Variants in SIPA1L1 observed in about 807,000 individuals in gnomAD.
The protein encoded by SIPA1L1 is signal-induced proliferation-associated 1-like protein 1.
In SIPA1L1, 26 loss-of-function variants were observed where a neutral mutation model predicts 162.7. The ratio of observed to expected loss-of-function variants is 0.16; its 90% CI spans 0.12 to 0.22. The LOEUF is 0.22. SIPA1L1 is among the 10% of genes least tolerant of loss of function. SIPA1L1 has a pLI of 1.00. For missense variants in SIPA1L1, 1,874 were observed against 2,241.0 expected (o/e 0.84, Z 3.31); for synonymous variants, 829 against 837.4 (o/e 0.99, Z 0.17).
At chr14:71,723,939 A>G in intron 18 of SIPA1L1, 53 bp downstream of exon 18, 1 of 1,605,328 alleles carries the variant, frequency 6.2e-7, no homozygotes. Flanking sequence ...CAGGACAGAG[A>G]ATAGAAAAGC....
chr14:71,339,556 G>T (rs2035438059), intron 2 of SIPA1L1, among the ~76,000 whole-genome samples: 1 of 151,870 alleles, frequency 6.6e-6, no homozygotes, highest in East Asian at 1.9e-4. Context: ...TAGAGACAGG[G>T]TTTCACCATG....
In SIPA1L1 at chr14:71,605,253, A is replaced by G. The variant is rs189478991; in HGVS notation, c.1499-13504A>G. Among the ~76,000 whole-genome samples, 13 of 151,524 alleles carry G rather than the reference A, an allele frequency of 8.6e-5. No homozygotes were observed. In the East Asian group the frequency reaches 2.5e-3, roughly 30 times the overall value. Reference sequence around the variant, plus strand: ...CTGTTTGTTTCTTTTTATAATTTCTATCTCTTTGGTAAATTTCTCATTCAT... The same window carrying G: ...CTGTTTGTTTCTTTTTATAATTTCTGTCTCTTTGGTAAATTTCTCATTCAT... On this transcript the variant is annotated intron_variant, in intron 5 of 23. Transcript: ENST00000381232.
intron 16 of SIPA1L1, among the ~76,000 whole-genome samples, chr14:71,706,848 A>G (rs2082476157): frequency 6.6e-6 from 1 of 152,040 alleles, no homozygotes. Context: ...AGCCTAGCCA[A>G]TATGATGAAA....
At chr14:71,614,340 G>A (rs1220939816) in intron 5 of SIPA1L1, among the ~76,000 whole-genome samples, 1 of 151,948 alleles carries the variant, frequency 6.6e-6, no homozygotes, top group Admixed American at 6.6e-5. Context: ...ATAAACTTAT[G>A]TTCATATGGA....
At chr14:71,519,832 A>G (rs565194250) in intron 3 of SIPA1L1, among the ~76,000 whole-genome samples, 227 of 151,952 alleles carry the variant, frequency 1.5e-3, no homozygotes, top group Non-Finnish European at 2.7e-3. Context: ...CTCTTATGGA[A>G]AAAAAAGATT....
chr14:71,738,296 C>A lies in SIPA1L1; in HGVS notation c.5179C>A (p.Leu1727Met). ...TAAAGTGGACCAGCTGGAAGGTATG[C>A]TGAAGATGCTTCGGGAAGATTTGAA... is the stretch of plus-strand genomic sequence containing the variant. ...ASKVDQLEGM[L>M]KMLREDLKKE... Residue 1727 changes from leucine (L) to methionine (M), a missense_variant, in exon 23 of 24, where the codon CTG (leucine) becomes ATG (methionine). Physicochemically the swap from Leu to Met is conservative, Grantham distance 15. Coordinates refer to ENST00000381232, the MANE Select transcript of SIPA1L1 (RefSeq NM_001386936.1). 1.1e-5 allele frequency: 17 copies of A among 1,613,274 alleles called. No homozygotes were observed. The highest frequency in any genetic ancestry group is 1.4e-5 in the Non-Finnish European group (17 of 1,179,476).
At chr14:71,378,142 C>T (rs1367901978) in intron 2 of SIPA1L1, among the ~76,000 whole-genome samples, 36 of 150,834 alleles carry the variant, frequency 2.4e-4, no homozygotes, top group Admixed American at 2.2e-3. Context: ...AAAAGTGTGT[C>T]GGTTTTGTTG....
At chr14:71,699,254 A>T in intron 14 of SIPA1L1, 127 bp downstream of exon 14, 1 of 914,492 alleles carries the variant, frequency 1.1e-6, no homozygotes. Context: ...AAAAGAGAAA[A>T]CGTAGTTAAT....
rs767480744 is a variant in SIPA1L1, at chr14:71,672,576, GTGA to G, written c.3059_3061del (p.Val1020_Lys1021delinsGlu). 1 of 1,614,104 alleles carries G rather than the reference GTGA, an allele frequency of 6.2e-7. No individual in the cohort carries two copies. Among genetic ancestry groups the G allele is most frequent in the African/African-American group, 1.3e-5 (1 of 74,946 alleles). On this transcript the variant is annotated inframe_deletion, in exon 12 of 24. Coordinates refer to ENST00000381232, the MANE Select transcript of SIPA1L1 (RefSeq NM_001386936.1). ...CGACCTCCTGAGAACATCTGTCACGGTGAAGGTTGTCATCATTCCCCCGCATGA... is the reference window on the plus strand; with the variant it reads ...CGACCTCCTGAGAACATCTGTCACGGAGGTTGTCATCATTCCCCCGCATGA...
chr14:71,650,229 G>A, intron 7 of SIPA1L1, 106 bp from the exon 8 acceptor site: 1 of 1,081,742 alleles, frequency 9.2e-7, no homozygotes, highest in East Asian at 2.4e-5. Context: ...GAGAAGAAAG[G>A]TGTTAGCTAT....
chr14:71,454,087 T>C (rs2046019445), intron 2 of SIPA1L1, among the ~76,000 whole-genome samples: 1 of 147,610 alleles, frequency 6.8e-6, no homozygotes, highest in Admixed American at 6.7e-5. Context: ...TAAAATAACA[T>C]GGAGACTGAA....
At chr14:71,555,466 G>C (rs2056270111) in intron 4 of SIPA1L1, among the ~76,000 whole-genome samples, 1 of 152,174 alleles carries the variant, frequency 6.6e-6, no homozygotes, top group Non-Finnish European at 1.5e-5. Flanking sequence ...TGTTGTGGCT[G>C]ATTTGATCTT....
intron 12 of SIPA1L1, among the ~76,000 whole-genome samples, chr14:71,674,115 A>T (rs370811412): frequency 6.6e-6 from 1 of 152,162 alleles, no homozygotes; most frequent in African/African-American, 2.4e-5. Context: ...TAAATTGTCA[A>T]CCTTAATTAC....
chr14:71,444,783 T>G (rs2045217155), intron 2 of SIPA1L1, among the ~76,000 whole-genome samples: 1 of 152,178 alleles, frequency 6.6e-6, no homozygotes, highest in Non-Finnish European at 1.5e-5. Flanking sequence ...ACCTGCATAC[T>G]GTTGAGTTGG....
At chr14:71,661,691 T>A (rs1408958601) in intron 10 of SIPA1L1, among the ~76,000 whole-genome samples, 1 of 152,146 alleles carries the variant, frequency 6.6e-6, no homozygotes. Context: ...CATTTGCACC[T>A]CCTTCTTAGG....
intron 2 of SIPA1L1, among the ~76,000 whole-genome samples, chr14:71,350,432 G>A (rs1196256733): frequency 6.6e-6 from 1 of 152,036 alleles, no homozygotes; most frequent in South Asian, 2.1e-4. Context: ...AAAAGTGGGA[G>A]GTATTGCCAC....
intron 2 of SIPA1L1, among the ~76,000 whole-genome samples, chr14:71,340,397 T>C (rs1330728629): frequency 6.6e-6 from 1 of 152,254 alleles, no homozygotes; most frequent in Non-Finnish European, 1.5e-5. Flanking sequence ...TATCTTTTGC[T>C]GAACAACACC....
intron 2 of SIPA1L1, among the ~76,000 whole-genome samples, chr14:71,424,873 G>A (rs932297678): frequency 1.3e-5 from 2 of 152,044 alleles, no homozygotes; most frequent in African/African-American, 4.8e-5. Context: ...AAATTTACCA[G>A]TGAAGCCATT....
chr14:71,372,638 G>C (rs2038998288), intron 2 of SIPA1L1, among the ~76,000 whole-genome samples: 1 of 151,946 alleles, frequency 6.6e-6, no homozygotes, highest in African/African-American at 2.4e-5. Flanking sequence ...TTTTGTGTTT[G>C]TATTTCAGTG....
Sources: allele counts gnomAD v4.1 joint callset (sites outside exome capture counted in the v4.1 genomes callset), GRCh38; gene constraint gnomAD v4.1.1; transcripts MANE v1.5; gene names NCBI Gene and HGNC (gene_info 2026-07-23, HGNC 2026-07-21).